The following FARSA variants were observed in gnomAD, a reference collection of about 807,000 sequenced individuals.
The protein encoded by FARSA is phenylalanyl-tRNA synthetase subunit alpha.
In FARSA, 37 loss-of-function variants were observed where a neutral mutation model predicts 63.2. The ratio of observed to expected loss-of-function variants is 0.59; its 90% CI spans 0.45 to 0.77. The LOEUF (loss-of-function observed/expected upper bound fraction) is 0.77. FARSA is among the 30% of genes least tolerant of loss of function. FARSA has a pLI of 0.00. For synonymous variants in FARSA, 312 were observed against 285.1 expected, an observed-to-expected ratio of 1.09 and a Z score of -0.95; for missense variants, 618 against 696.6, an observed-to-expected ratio of 0.89 and a Z score of 1.27.
intron 12 of FARSA, 33 bp from the exon 13 acceptor site, chr19:12,922,919 G>A (rs1315023599): frequency 3.1e-6 from 5 of 1,613,664 alleles, no homozygotes; most frequent in Non-Finnish European, 4.2e-6. Context: ...TTATCATGAG[G>A]TCAGCACGTG....
chr19:12,930,288 T>C lies in FARSA; in HGVS notation c.438A>G (p.Gly146=). The C allele has an allele frequency of 1.2e-6, 2 of 1,613,406 alleles. No individual in the cohort carries two copies. Among genetic ancestry groups the C allele is most frequent in the Non-Finnish European group, 1.7e-6 (2 of 1,179,782 alleles). The change falls in exon 4 of 13, where the codon GGA becomes GGG. Residue 146 remains glycine, a synonymous_variant. Coordinates refer to ENST00000314606, the MANE Select transcript of FARSA (RefSeq NM_004461.3). The stretch of plus-strand genomic sequence containing the variant: ...CCTTCTCCCCCAGCTTCTCAGCCTG[T>C]CCCCCCCGGACCAGCTGGAGCCGCC... ...VQRRLQLVRG[G]QAEKLGEKER... is the part of the protein sequence containing the mutation.
Position 12,930,296 on chromosome 19 carries a change from G to C in FARSA, c.430C>G (p.Arg144Gly). The C allele has an allele frequency of 6.2e-7, 1 of 1,613,952 alleles. No homozygotes were observed. The highest frequency in any genetic ancestry group is 1.3e-5 in the African/African-American group (1 of 75,008). The part of the protein sequence containing the change: ...DEVQRRLQLV[R>G]GGQAEKLGEK... ...CCCAGCTTCTCAGCCTGTCCCCCCC[G>C]GACCAGCTGGAGCCGCCGCTGCACC... The change falls in exon 4 of 13, where the codon CGG becomes GGG. Residue 144 changes from arginine (R) to glycine (G), a missense_variant. Physicochemically the swap from Arg to Gly is moderately radical, Grantham distance 125. Transcript: ENST00000314606.
At position 12,924,532 on chromosome 19, in the gene FARSA, G is replaced by C. The variant is rs1971302157; in HGVS notation, c.1196-6C>G. The C allele has an allele frequency of 6.2e-7, 1 of 1,613,378 alleles. No individual in the cohort carries two copies. Among genetic ancestry groups the C allele is most frequent in the Non-Finnish European group, 8.5e-7 (1 of 1,180,002 alleles). On this transcript the variant is annotated splice_region_variant and splice_polypyrimidine_tract_variant and intron_variant, in intron 10 of 12. Coordinates refer to ENST00000314606, the MANE Select transcript of FARSA (RefSeq NM_004461.3). This position sits in a 1 kb window ranked among gnomAD's most constrained non-coding sequence, Gnocchi z 6.4. ...GAAGCGGAGTTGCGTGATACCTGCA[G>C]GAAGTGGGGGGCGGGCAGGAGAGCA...
chr19:12,930,149 G>A, intron 4 of FARSA, 74 bp downstream of exon 4: 3 of 1,191,302 alleles, frequency 2.5e-6, no homozygotes, highest in Non-Finnish European at 2.5e-6. Context: ...TGGGCAAGAT[G>A]TCTCCCTCCC....
Position 12,933,482 on chromosome 19 carries a change from A to G in FARSA, c.147+68T>C. ...GCCTGAGGGAATTTGGCTTGGACGTAGAGCGCCCGTGGCAAGGGGACTGTA... is the reference window on the plus strand; with the variant it reads ...GCCTGAGGGAATTTGGCTTGGACGTGGAGCGCCCGTGGCAAGGGGACTGTA... On this transcript the variant is annotated intron_variant, in intron 1 of 12. Coordinates refer to ENST00000314606, the MANE Select transcript of FARSA (RefSeq NM_004461.3). 5 of 1,508,926 alleles carry G rather than the reference A, an allele frequency of 3.3e-6. No homozygotes were observed. In the South Asian group the frequency reaches 6.1e-5, roughly 18 times the overall value. 93.5% of individuals were successfully genotyped at this position (1,508,926 alleles called of 1,614,324 possible).
rs1971279628 is a variant in FARSA, at chr19:12,922,829, C to G, written c.1446G>C (p.Val482=). The G allele has an allele frequency of 6.2e-6, 10 of 1,614,166 alleles. No homozygotes were observed. Among genetic ancestry groups the G allele is most frequent in the Non-Finnish European group, 8.5e-6 (10 of 1,180,036 alleles). Residue 482 remains valine, a synonymous_variant, in exon 13 of 13, where the codon GTG becomes GTC. Transcript: ENST00000314606. The stretch of plus-strand genomic sequence containing the variant: ...GACTGTCATACACCATCTGCAGGTT[C>G]ACCTTGTGGCCCACCAGCTCCCGGA... The part of the protein sequence containing the change: ...NNIRELVGHK[V]NLQMVYDSPL...
chr19:12,929,018 T>C (rs1568445097), intron 4 of FARSA, among the ~76,000 whole-genome samples, 171 bp from the exon 5 acceptor site: 1 of 152,210 alleles, frequency 6.6e-6, no homozygotes, highest in Non-Finnish European at 1.5e-5. Flanking sequence ...TGTATCTCCC[T>C]GTATTCACTC....
rs777621789 is a variant in FARSA at position 12,930,766 on chromosome 19, G to A, written c.148-17C>T. ...CTCGATGACCTAGAGGGAAATGTGG[G>A]GAGGGTGTCCAGGCAGGGGTGAGGC... On this transcript the variant is annotated splice_polypyrimidine_tract_variant and intron_variant, in intron 1 of 12. Coordinates refer to ENST00000314606, the MANE Select transcript of FARSA (RefSeq NM_004461.3). 3 of 1,603,328 alleles carry A rather than the reference G, an allele frequency of 1.9e-6. No individual in the cohort carries two copies. Among genetic ancestry groups the A allele is most frequent in the Non-Finnish European group, 2.5e-6 (3 of 1,179,976 alleles).
At chr19:12,930,833 T>A in intron 1 of FARSA, 84 bp from the exon 2 acceptor site, 1 of 1,513,772 alleles carries the variant, frequency 6.6e-7, no homozygotes, top group Non-Finnish European at 9.1e-7. Flanking sequence ...GGGTCCCAGG[T>A]TGAAAGCACA....
rs749068256 is a variant in FARSA, at chr19:12,930,683, G to T, written c.214C>A (p.Arg72=). 1.9e-6 allele frequency: 3 copies of T among 1,613,508 alleles called. No homozygotes were observed. Among genetic ancestry groups the T allele is most frequent in the African/African-American group, 1.3e-5 (1 of 74,944 alleles). Residue 72 remains arginine, a synonymous_variant, in exon 2 of 13, where the codon CGG becomes AGG. Coordinates refer to ENST00000314606, the MANE Select transcript of FARSA (RefSeq NM_004461.3). ...ELTAEGEEIA[R]EGSHEARVFR... ...ACACGGGCCTCATGGCTGCCCTCCC[G>T]GGCAATCTCCTCGCCCTCCGCAGTA...
chr19:12,926,486 G>A (rs1408287807), intron 7 of FARSA, among the ~76,000 whole-genome samples: 4 of 148,170 alleles, frequency 2.7e-5, no homozygotes, highest in Admixed American at 6.8e-5. Flanking sequence ...TGTTATCCAG[G>A]ATGGTCTTGA....
chr19:12,928,819 C>T lies in FARSA; in HGVS notation c.532G>A (p.Gly178Ser). 1 of 1,614,182 alleles carries T rather than the reference C, an allele frequency of 6.2e-7. No individual in the cohort carries two copies. The highest frequency in any genetic ancestry group is 8.5e-7 in the Non-Finnish European group (1 of 1,180,036). Residue 178 changes from glycine (G) to serine (S), a missense_variant, in exon 5 of 13, where the codon GGC becomes AGC. Coordinates refer to ENST00000314606, the MANE Select transcript of FARSA (RefSeq NM_004461.3). ...VTLKTYWVSKGSAFSTSISKQ... is the reference protein window; with the variant it reads ...VTLKTYWVSKSSAFSTSISKQ... ...GAGATGCTGGTACTAAAGGCACTGC[C>T]TTTGCTCACCCAGTAGGTCTTCAGA... is the stretch of plus-strand genomic sequence containing the variant.
rs1971277435 is a variant in FARSA, at chr19:12,922,689, TGCAAAGGAGC to T, written c.*49_*58del. On this transcript the variant is annotated 3_prime_UTR_variant, in exon 13 of 13. Transcript: ENST00000314606. ...TAAATACAAGGTCACTGGCCAGGGA[TGCAAAGGAGC>T]GCAGCAGCAGGGACTCGGGGAGGAT... is the stretch of plus-strand genomic sequence containing the variant. 1 of 1,602,226 alleles carries T rather than the reference TGCAAAGGAGC, an allele frequency of 6.2e-7. No individual in the cohort carries two copies. Among genetic ancestry groups the T allele is most frequent in the Non-Finnish European group, 8.5e-7 (1 of 1,176,608 alleles).
rs1012332361 is a variant in FARSA at position 12,924,628 on chromosome 19, C to T, written c.1195+11G>A. On this transcript the variant is annotated intron_variant, in intron 10 of 12. Transcript: ENST00000314606. This position sits in a 1 kb window ranked among gnomAD's most constrained non-coding sequence, Gnocchi z 6.4. ...CTCACCACCATGGCCCACCCCTGCC[C>T]CCCTGCTCACCCAGCTTGGTGAAGA... The T allele has an allele frequency of 3.7e-6, 6 of 1,607,224 alleles. No individual in the cohort carries two copies. Among genetic ancestry groups the T allele is most frequent in the Non-Finnish European group, 5.1e-6 (6 of 1,176,132 alleles).
At chr19:12,931,884 G>T (rs376562985) in intron 1 of FARSA, among the ~76,000 whole-genome samples, 115 of 152,290 alleles carry the variant, frequency 7.6e-4, no homozygotes, top group African/African-American at 2.7e-3. Flanking sequence ...CACTTACTGT[G>T]TGACCTCAGG....
Position 12,924,175 on chromosome 19 carries a change from A to G in FARSA, c.1364T>C (p.Ile455Thr), listed in dbSNP as rs924009039. 9 of 1,613,656 alleles carry G rather than the reference A, an allele frequency of 5.6e-6. No homozygotes were observed. Among genetic ancestry groups the G allele is most frequent in the Non-Finnish European group, 6.8e-6 (8 of 1,179,684 alleles). Residue 455 changes from isoleucine to threonine, a missense_variant, in exon 12 of 13, where the codon ATT (isoleucine) becomes ACT (threonine). Physicochemically the swap from Ile to Thr is moderately conservative, Grantham distance 89 (BLOSUM62 -1). Coordinates refer to ENST00000314606, the MANE Select transcript of FARSA (RefSeq NM_004461.3). This position sits in a 1 kb window ranked among gnomAD's most constrained non-coding sequence, Gnocchi z 6.4. ...CCGCTCCAGGGAGAGGCCCCAGGCA[A>G]TGACCGACACGTTCTCGGGAAGCCC... is the stretch of plus-strand genomic sequence containing the variant. ...PMGLPENVSV[I>T]AWGLSLERPT...
chr19:12,931,412 C>T (rs988361806), intron 1 of FARSA, among the ~76,000 whole-genome samples: 1 of 152,048 alleles, frequency 6.6e-6, no homozygotes, highest in African/African-American at 2.4e-5. Flanking sequence ...TACAGGTGCC[C>T]ACCACCACCC....
At position 12,930,419 on chromosome 19, in the gene FARSA, A is replaced by G. The variant is rs1003976898; in HGVS notation, c.384+10T>C. On this transcript the variant is annotated intron_variant, in intron 3 of 12. Transcript: ENST00000314606. Reference sequence around the variant, plus strand: ...TCCACCTGCCCCCTGACCAGCCCGCAGGAACGCACCACTCGGAACACCCGG... The same window carrying G: ...TCCACCTGCCCCCTGACCAGCCCGCGGGAACGCACCACTCGGAACACCCGG... 11 of 1,613,484 alleles carry G rather than the reference A, an allele frequency of 6.8e-6. No homozygotes were observed. Among genetic ancestry groups the G allele is most frequent in the Non-Finnish European group, 9.3e-6 (11 of 1,179,708 alleles).
chr19:12,933,580 G>T lies in FARSA; in HGVS notation c.117C>A (p.Gly39=), dbSNP rs1048584003. 2 of 1,548,182 alleles carry T rather than the reference G, an allele frequency of 1.3e-6. No individual in the cohort carries two copies. Among genetic ancestry groups the T allele is most frequent in the African/African-American group, 1.4e-5 (1 of 73,386 alleles). Residue 39 remains glycine, a synonymous_variant, in exon 1 of 13, where the codon GGC becomes GGA. Coordinates refer to ENST00000314606, the MANE Select transcript of FARSA (RefSeq NM_004461.3). ...CCAGCGCCTGAAGGCTCTTCACGGCGCCCACCACCGCCTGGTGCTCCATGC... is the reference window on the plus strand; with the variant it reads ...CCAGCGCCTGAAGGCTCTTCACGGCTCCCACCACCGCCTGGTGCTCCATGC... The part of the protein sequence containing the change: ...ELGMEHQAVV[G]AVKSLQALGE...
Sources: gnomAD v4.1 joint callset for allele counts (sites outside exome capture counted in the v4.1 genomes callset) on GRCh38, gnomAD v4.1.1 for gene constraint, Gnocchi (gnomAD v3.1) non-coding constraint, MANE v1.5 for transcripts, NCBI Gene and HGNC (gene_info 2026-07-23, HGNC 2026-07-21) for gene names.